The following SORCS2 variants were observed in gnomAD, a reference collection of about 807,000 sequenced individuals.
SORCS2 encodes VPS10 domain-containing receptor SorCS2.
In SORCS2, 100 loss-of-function variants were observed where a neutral mutation model predicts 141.6. The ratio of observed to expected loss-of-function variants is 0.71; its 90% CI spans 0.60 to 0.83. The LOEUF is 0.83. SORCS2 is among the 40% of genes least tolerant of loss of function. The pLI is 0.00. For synonymous variants in SORCS2, 789 were observed against 676.9 expected (o/e 1.17, Z -2.57); for missense variants, 1,646 against 1,560.2 (o/e 1.05, Z -0.93).
chr4:7,228,535 G>A (rs1221454641), intron 1 of SORCS2, among the ~76,000 whole-genome samples: 1 of 152,172 alleles, frequency 6.6e-6, no homozygotes, highest in Admixed American at 6.5e-5. Context: ...AGATGAAGGT[G>A]ATCGTCCTGC....
chr4:7,590,029 T>C (rs1716810245), intron 3 of SORCS2, among the ~76,000 whole-genome samples: 1 of 152,256 alleles, frequency 6.6e-6, no homozygotes, highest in Admixed American at 6.5e-5. Context: ...GATGCATTTA[T>C]AAAAGACAGC....
Position 7,299,345 on chromosome 4 carries a change from A to G in SORCS2, c.481-96943A>G, listed in dbSNP as rs536841234. Among the ~76,000 whole-genome samples the G allele has an allele frequency of 2.6e-5, 4 of 152,324 alleles. No homozygotes were observed. The East Asian group carries it at 5.8e-4, about 22-fold the overall frequency. ...ACTGAGCAGCAGTCCAGGGCCCTGGATCCCAATCCGCTCTCCACCGCTTGT... is the reference window on the plus strand; with the variant it reads ...ACTGAGCAGCAGTCCAGGGCCCTGGGTCCCAATCCGCTCTCCACCGCTTGT... On this transcript the variant is annotated intron_variant, in intron 1 of 26. Transcript: ENST00000507866.
Position 7,400,892 on chromosome 4 carries a change from T to C in SORCS2, c.548+4537T>C, listed in dbSNP as rs559636585. ...ATGGAAGAATAGGTGGATAGATTAATGGATGGACATATGGATGGATAGATG... is the reference window on the plus strand; with the variant it reads ...ATGGAAGAATAGGTGGATAGATTAACGGATGGACATATGGATGGATAGATG... On this transcript the variant is annotated intron_variant, in intron 2 of 26. Transcript: ENST00000507866. Among the ~76,000 whole-genome samples the C allele has an allele frequency of 2.6e-5, 4 of 151,026 alleles. No individual in the cohort carries two copies. The East Asian group carries it at 8.0e-4, about 30-fold the overall frequency.
rs146466486 is a variant in SORCS2, at chr4:7,206,201, T to C, written c.480+13075T>C. ...CCTCTGCCCTGCCCCAGTGTCCGCG[T>C]CTTCCCCAGGCCTCCTCTCTGGTCT... On this transcript the variant is annotated intron_variant, in intron 1 of 26. Coordinates refer to ENST00000507866, the MANE Select transcript of SORCS2 (RefSeq NM_020777.3). Among the ~76,000 whole-genome samples, 41 of 152,282 alleles carry C rather than the reference T, an allele frequency of 2.7e-4. 3 individuals are homozygous for C. The East Asian group carries it at 7.9e-3, about 29-fold the overall frequency.
intron 2 of SORCS2, among the ~76,000 whole-genome samples, chr4:7,499,060 C>A (rs1444247684): frequency 6.9e-6 from 1 of 145,604 alleles, no homozygotes; most frequent in African/African-American, 2.4e-5. Context: ...TGTGCACAAT[C>A]ACGTGTGCAT....
intron 1 of SORCS2, among the ~76,000 whole-genome samples, chr4:7,313,861 G>A (rs1217342934): frequency 1.3e-5 from 2 of 152,154 alleles, no homozygotes; most frequent in Non-Finnish European, 1.5e-5. Flanking sequence ...GTTTTCAGGG[G>A]CCCTATCTCT....
chr4:7,237,730 G>A (rs57790015), intron 1 of SORCS2, among the ~76,000 whole-genome samples: 2,126 of 152,078 alleles, frequency 0.014, 40 homozygotes, highest in African/African-American at 0.048. Flanking sequence ...TACCCAGTGG[G>A]GAGGGCCATG....
At position 7,725,134 on chromosome 4, in the gene SORCS2, G is replaced by T; in HGVS notation, c.2612-20G>T. 6.2e-7 allele frequency: 1 copy of T among 1,610,516 alleles called. No individual in the cohort carries two copies. Among genetic ancestry groups the T allele is most frequent in the East Asian group, 2.2e-5 (1 of 44,878 alleles). The stretch of plus-strand genomic sequence containing the variant: ...CATGCCCTGATATCATCTAACCCTG[G>T]CCTTTTTGGGTCCCCACAGCCCCCC... On this transcript the variant is annotated intron_variant, in intron 19 of 26. Coordinates refer to ENST00000507866, the MANE Select transcript of SORCS2 (RefSeq NM_020777.3).
intron 7 of SORCS2, among the ~76,000 whole-genome samples, chr4:7,665,642 T>C (rs1722457299): frequency 6.6e-6 from 1 of 152,132 alleles, no homozygotes; most frequent in African/African-American, 2.4e-5. Context: ...CACTGTGTCA[T>C]TCCGTACCAT....
intron 1 of SORCS2, among the ~76,000 whole-genome samples, chr4:7,395,080 C>T (rs1428546909): frequency 6.6e-6 from 1 of 152,250 alleles, no homozygotes; most frequent in African/African-American, 2.4e-5. Context: ...CTGAGCATGG[C>T]ATAGCCAATC....
chr4:7,570,228 C>T (rs955105239), intron 3 of SORCS2, among the ~76,000 whole-genome samples: 3 of 152,188 alleles, frequency 2.0e-5, no homozygotes, highest in African/African-American at 7.2e-5. Flanking sequence ...TGTGGAGTTC[C>T]GATTTATAGG....
chr4:7,482,951 G>T (rs1328412928), intron 2 of SORCS2, among the ~76,000 whole-genome samples: 2 of 152,230 alleles, frequency 1.3e-5, no homozygotes, highest in South Asian at 2.1e-4. Context: ...TGGAAGTAGG[G>T]TCTTTGTGGA....
chr4:7,302,401 G>A (rs1289535706), intron 1 of SORCS2, among the ~76,000 whole-genome samples: 1 of 152,170 alleles, frequency 6.6e-6, no homozygotes, highest in Non-Finnish European at 1.5e-5. Flanking sequence ...CATGGCTGTG[G>A]GCACACTCCT....
At chr4:7,724,908 T>TG (rs1560115035) in intron 19 of SORCS2, among the ~76,000 whole-genome samples, 2 of 46,460 alleles carry the variant, frequency 4.3e-5, no homozygotes, top group African/African-American at 2.2e-4. Context: ...GTGGTGATAG[T>TG]ATTGGTGGGA....
chr4:7,242,525 T>C (rs1469557501), intron 1 of SORCS2, among the ~76,000 whole-genome samples: 1 of 151,624 alleles, frequency 6.6e-6, no homozygotes, highest in Non-Finnish European at 1.5e-5. Flanking sequence ...CCTGAATCTT[T>C]AGCTCACTGC....
chr4:7,724,909 AT>A (rs1560115046), intron 19 of SORCS2, among the ~76,000 whole-genome samples: 177 of 14,072 alleles, frequency 0.013, 17 homozygotes, highest in East Asian at 0.028. Flanking sequence ...TGGTGATAGT[AT>A]TGGTGGGAAT....
At chr4:7,462,316 C>T (rs1221857809) in intron 2 of SORCS2, among the ~76,000 whole-genome samples, 1 of 152,194 alleles carries the variant, frequency 6.6e-6, no homozygotes, top group African/African-American at 2.4e-5. Context: ...AATCACGTAC[C>T]TTCATGAGCC....
chr4:7,283,323 G>A (rs1716008723), intron 1 of SORCS2, among the ~76,000 whole-genome samples: 1 of 152,242 alleles, frequency 6.6e-6, no homozygotes, highest in African/African-American at 2.4e-5. Flanking sequence ...AAGAGGAGAC[G>A]TGAATGTAGG....
At chr4:7,452,892 C>CTGTGTTGGGGTCAGGT (rs1728565538) in intron 2 of SORCS2, among the ~76,000 whole-genome samples, 1 of 136,520 alleles carries the variant, frequency 7.3e-6, no homozygotes, top group African/African-American at 2.8e-5. Context: ...TGGGGTCAGG[C>CTGTGTTGGGGTCAGGT]GCTGTGTTGG....
Sources: gnomAD v4.1 joint callset for allele counts (sites outside exome capture counted in the v4.1 genomes callset) on GRCh38, gnomAD v4.1.1 for gene constraint, MANE v1.5 for transcripts, NCBI Gene and HGNC (gene_info 2026-07-23, HGNC 2026-07-21) for gene names.